Variants in EIF5A observed in about 807,000 individuals in gnomAD.
EIF5A encodes eukaryotic translation initiation factor 5A.
A neutral mutation model predicts 16.6 loss-of-function variants in EIF5A; 1 was observed. The ratio of observed to expected loss-of-function variants is 0.06; its 90% CI spans 0.02 to 0.28. EIF5A has a LOEUF of 0.28. Ranked by LOEUF, EIF5A falls within the 10% of genes least tolerant of loss-of-function variation. The pLI, the probability that EIF5A is intolerant of heterozygous loss-of-function variation, is 1.00. For synonymous variants in EIF5A, 80 were observed against 73.6 expected (o/e 1.09, Z -0.44); for missense variants, 29 against 196.1 (o/e 0.15, Z 5.09).
chr17:7,307,830 AG>A, intron 1 of EIF5A, 78 bp downstream of exon 1: 1 of 156,798 alleles, frequency 6.4e-6, no homozygotes, highest in Non-Finnish European at 9.9e-6. Flanking sequence ...GGGGTCGGGG[AG>A]GGGGCAGAGG....
At chr17:7,307,208 T>C (rs1275181607), upstream of EIF5A, 1 of 1,395,422 alleles carries the variant, frequency 7.2e-7, no homozygotes, top group South Asian at 1.4e-5. Context: ...GCGTGGTCTT[T>C]TCAACGCCTG....
intron 2 of EIF5A, chr17:7,310,533 CTG>C (rs1170745493): frequency 5.3e-6 from 6 of 1,126,280 alleles, no homozygotes; most frequent in East Asian, 1.5e-4. Flanking sequence ...GGATCCCTCT[CTG>C]TGCTCTTCTG....
chr17:7,310,688 G>A lies in EIF5A; in HGVS notation c.166-330G>A, dbSNP rs186113223. 8,583 of 985,194 alleles carry A rather than the reference G, an allele frequency of 8.7e-3. 52 individuals are homozygous for A. Among genetic ancestry groups the A allele is most frequent in the Middle Eastern group, 0.01 (20 of 1,914 alleles). 61.0% of individuals were successfully genotyped at this position (985,194 alleles called of 1,614,324 possible). ...TTCTCAGCTCCTTCTCCTGGTGTCC[G>A]GAAAACTCTTCGAAACTTTTACTCA... is the stretch of plus-strand genomic sequence containing the variant. On this transcript the variant is annotated intron_variant, in intron 2 of 5. Transcript: ENST00000336458.
chr17:7,311,491 C>T lies in EIF5A; in HGVS notation c.402+10C>T, dbSNP rs2072825486. ...TGGAGAAGAGATCCTGGTATGGTGC[C>T]TCCCTCCCTGCTTCTGTGCTCAGCT... On this transcript the variant is annotated intron_variant, in intron 4 of 5. Coordinates refer to ENST00000336458, the MANE Select transcript of EIF5A (RefSeq NM_001970.5). 2.5e-6 allele frequency: 4 copies of T among 1,614,068 alleles called. No individual in the cohort carries two copies. Among genetic ancestry groups the T allele is most frequent in the Non-Finnish European group, 3.4e-6 (4 of 1,180,000 alleles).
upstream of EIF5A, chr17:7,307,189 G>T (rs2072649032): frequency 1.4e-6 from 2 of 1,467,062 alleles, no homozygotes; most frequent in African/African-American, 1.4e-5. Context: ...CGAGACAAGT[G>T]ATCTAGCGGC....
intron 1 of EIF5A, chr17:7,308,346 G>C: frequency 8.5e-7 from 1 of 1,174,716 alleles, no homozygotes; most frequent in South Asian, 1.6e-5. Flanking sequence ...CCGGCCACCG[G>C]AAGCCCGGAA....
At chr17:7,310,012 T>C (rs1176474114) in intron 2 of EIF5A, 1 of 1,520,270 alleles carries the variant, frequency 6.6e-7, no homozygotes, top group African/African-American at 1.4e-5. Flanking sequence ...TGTCCCCGCA[T>C]CATTCTCTGG....
Position 7,307,654 on chromosome 17 carries a change from C to CGGCGGCGGTAGA in EIF5A, c.-111_-100dup, listed in dbSNP as rs751473554. The CGGCGGCGGTAGA allele has an allele frequency of 5.3e-5, 56 of 1,048,740 alleles. No homozygotes were observed. The highest frequency in any genetic ancestry group is 2.0e-4 in the East Asian group (2 of 9,914). 65.0% of individuals were successfully genotyped at this position (1,048,740 alleles called of 1,614,324 possible). A position where few individuals can be genotyped will look rare whatever the true frequency, so the allele number is the denominator to read the frequency against. ...TACTAAGACCCGTGTGCAGCAGCGGCGGCGGCGGTAGAGGCGGCGGCGGCG... is the reference window on the plus strand; with the variant it reads ...TACTAAGACCCGTGTGCAGCAGCGGCGGCGGCGGTAGAGGCGGCGGTAGAGGCGGCGGCGGCG... On this transcript the variant is annotated 5_prime_UTR_variant, in exon 1 of 6. Coordinates refer to ENST00000336458, the MANE Select transcript of EIF5A (RefSeq NM_001970.5).
chr17:7,307,347 C>A, upstream of EIF5A: 1 of 1,232,644 alleles, frequency 8.1e-7, no homozygotes, highest in Non-Finnish European at 1.0e-6. Flanking sequence ...GCAAGGACTG[C>A]CCGGTAGGAC....
intron 1 of EIF5A, among the ~76,000 whole-genome samples, chr17:7,308,742 G>A (rs1035944208): frequency 6.6e-6 from 1 of 152,118 alleles, no homozygotes; most frequent in Non-Finnish European, 1.5e-5. Context: ...TCTTCCTGTT[G>A]TAACTGGTTT....
At chr17:7,309,441 C>T (rs546229524) in intron 1 of EIF5A, among the ~76,000 whole-genome samples, 174 bp from the exon 2 acceptor site, 19 of 152,252 alleles carry the variant, frequency 1.2e-4, no homozygotes, top group African/African-American at 4.3e-4. Context: ...ATACACACAC[C>T]AGTTCTTGAG....
At chr17:7,307,353 A>C (rs768735598), upstream of EIF5A, 21 of 1,237,322 alleles carry the variant, frequency 1.7e-5, no homozygotes, top group Non-Finnish European at 1.8e-5. Flanking sequence ...ACTGCCCGGT[A>C]GGACGAGCGG....
intron 1 of EIF5A, chr17:7,308,041 C>G: frequency 1.0e-6 from 1 of 984,498 alleles, no homozygotes; most frequent in Non-Finnish European, 1.2e-6. Context: ...GGGCGAGGGC[C>G]AGGGGCCAGA....
At chr17:7,311,675 G>T in intron 5 of EIF5A, 24 bp downstream of exon 5, 1 of 1,613,422 alleles carries the variant, frequency 6.2e-7, no homozygotes, top group Non-Finnish European at 8.5e-7. Context: ...ATCCCTCACT[G>T]TCCCCTTCAC....
chr17:7,310,580 A>C, intron 2 of EIF5A: 3 of 1,063,490 alleles, frequency 2.8e-6, no homozygotes, highest in Non-Finnish European at 3.4e-6. Flanking sequence ...GTTATTTCTG[A>C]TCTCCCTGCA....
chr17:7,311,142 G>A lies in EIF5A; in HGVS notation c.270+20G>A. 2 of 1,612,658 alleles carry A rather than the reference G, an allele frequency of 1.2e-6. No homozygotes were observed. Among genetic ancestry groups the A allele is most frequent in the Non-Finnish European group, 1.7e-6 (2 of 1,179,110 alleles). On this transcript the variant is annotated intron_variant, in intron 3 of 5. Transcript: ENST00000336458. Reference sequence around the variant, plus strand: ...TTCCAGGTATGTAGATGGTCTGGATGAGGATGGGTTAGCGGTTTATGGTGG... The same window carrying A: ...TTCCAGGTATGTAGATGGTCTGGATAAGGATGGGTTAGCGGTTTATGGTGG...
intron 2 of EIF5A, chr17:7,310,142 C>T (rs1245537249): frequency 7.6e-6 from 10 of 1,307,232 alleles, no homozygotes; most frequent in South Asian, 3.7e-5. Context: ...TCCCTTGAGC[C>T]GTTGTTAAGT....
chr17:7,311,973 G>A lies in EIF5A; in HGVS notation c.*163G>A, dbSNP rs2072843422. On this transcript the variant is annotated 3_prime_UTR_variant, in exon 6 of 6. Coordinates refer to ENST00000336458, the MANE Select transcript of EIF5A (RefSeq NM_001970.5). ...TTCCCCACCCCCTCAATCTGTCGGG[G>A]AGCCCCTGCCCTTCACCTAGCTCCC... 2.4e-6 allele frequency: 1 copy of A among 418,730 alleles called. No individual in the cohort carries two copies. The allele number at this position is 418,730 out of a possible 1,614,324, so 25.9% of individuals were successfully genotyped here.
intron 1 of EIF5A, chr17:7,308,525 C>G (rs1206293902): frequency 2.2e-6 from 3 of 1,351,478 alleles, no homozygotes; most frequent in Non-Finnish European, 2.9e-6. Flanking sequence ...CTCAAGGGCC[C>G]CAGGAGCTTT....
Sources: allele counts gnomAD v4.1 joint callset (sites outside exome capture counted in the v4.1 genomes callset), GRCh38; gene constraint gnomAD v4.1.1; transcripts MANE v1.5; gene names NCBI Gene and HGNC (gene_info 2026-07-23, HGNC 2026-07-21).